ADD1: variants seen among roughly 807,000 people sequenced by gnomAD.
ADD1 encodes the protein alpha-adducin.
A neutral mutation model predicts 80.5 loss-of-function variants in ADD1; 24 were observed. That is an observed-to-expected ratio of 0.30 (90% CI 0.22 to 0.42). The LOEUF (loss-of-function observed/expected upper bound fraction) is 0.42, where lower values mean the gene tolerates loss of function less well. ADD1 is among the 10% of genes least tolerant of loss of function. The probability of loss-of-function intolerance (pLI) is 1.00; values close to 1 mark genes in which losing one functional copy is unlikely to be tolerated. For synonymous variants in ADD1, 373 were observed against 393.8 expected (o/e 0.95, Z 0.63); for missense variants, 948 against 1,019.0 (o/e 0.93, Z 0.95).
chr4:2,923,460 G>C (rs1740426859), intron 14 of ADD1, among the ~76,000 whole-genome samples: 1 of 152,204 alleles, frequency 6.6e-6, no homozygotes, highest in Non-Finnish European at 1.5e-5. Flanking sequence ...GCCCTCCGTG[G>C]GCTGCACCCA....
rs767846050 is a variant in ADD1 at position 2,928,915 on chromosome 4, C to T, written c.*392C>T. 1.3e-4 allele frequency: 28 copies of T among 208,574 alleles called. No homozygotes were observed. Among genetic ancestry groups the T allele is most frequent in the Non-Finnish European group, 2.5e-4 (27 of 106,884 alleles). 12.9% of individuals were successfully genotyped at this position (208,574 alleles called of 1,614,324 possible). A position where few individuals can be genotyped will look rare whatever the true frequency, so the allele number is the denominator to read the frequency against. ...TTCTGTCTCTGCTTGGCTTCCCCTCCACCCTAAAGTCTCAGGTGACGGACT... is the reference window on the plus strand; with the variant it reads ...TTCTGTCTCTGCTTGGCTTCCCCTCTACCCTAAAGTCTCAGGTGACGGACT... On this transcript the variant is annotated 3_prime_UTR_variant, in exon 16 of 16. Transcript: ENST00000683351.
chr4:2,925,988 A>G lies in ADD1; in HGVS notation c.1949-26A>G, dbSNP rs1415977294. On this transcript the variant is annotated intron_variant, in intron 14 of 15. Transcript: ENST00000683351. ...TCATGGCGTGGCGTCCACAGCTCCT[A>G]CCATATCCTTCTTGCTTCTCTGCAG... 3 of 1,607,122 alleles carry G rather than the reference A, an allele frequency of 1.9e-6. No individual in the cohort carries two copies. The African/African-American group carries it at 4.0e-5, about 22-fold the overall frequency.
intron 13 of ADD1, 87 bp downstream of exon 13, chr4:2,909,518 C>A: frequency 1.1e-6 from 1 of 922,556 alleles, no homozygotes; most frequent in Non-Finnish European, 1.6e-6. Context: ...CAGGCATTGT[C>A]TTAGTTACTG....
intron 4 of ADD1, among the ~76,000 whole-genome samples, chr4:2,886,258 G>C (rs1021526152): frequency 1.4e-4 from 21 of 152,078 alleles, no homozygotes; most frequent in African/African-American, 5.1e-4. Context: ...CATAACCAGC[G>C]GTGCTTCGTT....
chr4:2,898,343 A>G lies in ADD1; in HGVS notation c.885+16A>G, dbSNP rs548954532. On this transcript the variant is annotated intron_variant, in intron 7 of 15. Coordinates refer to ENST00000683351, the MANE Select transcript of ADD1 (RefSeq NM_001354761.2). ...TAAAAGCAAGGTCAGTAGGCATCTA[A>G]TCTGGTATTTAAATTACAGCAGAAA... is the stretch of plus-strand genomic sequence containing the variant. 6.2e-7 allele frequency: 1 copy of G among 1,614,214 alleles called. No homozygotes were observed. The highest frequency in any genetic ancestry group is 1.1e-5 in the South Asian group (1 of 91,092).
At chr4:2,901,856 C>G (rs1329370967) in intron 9 of ADD1, 1 of 149,524 alleles carries the variant, frequency 6.7e-6, no homozygotes. Flanking sequence ...TTGTCCCCCC[C>G]CCAAAAAAAA....
intron 14 of ADD1, among the ~76,000 whole-genome samples, chr4:2,918,218 C>G (rs184967467): frequency 6.6e-6 from 1 of 152,128 alleles, no homozygotes; most frequent in East Asian, 1.9e-4. Flanking sequence ...TAGTTCTCCT[C>G]GAAGAGGTCT....
At chr4:2,876,183 T>C in intron 2 of ADD1, 73 bp downstream of exon 2, 1 of 1,408,830 alleles carries the variant, frequency 7.1e-7, no homozygotes, top group South Asian at 1.4e-5. Flanking sequence ...TATGCCCTGT[T>C]GTATGAGTGG....
intron 1 of ADD1, among the ~76,000 whole-genome samples, chr4:2,849,917 T>C (rs114026520): frequency 0.012 from 1,776 of 152,312 alleles, 15 homozygotes; most frequent in Non-Finnish European, 0.019. Flanking sequence ...GAAAATTAAG[T>C]AGCCATGTAA....
In ADD1 at chr4:2,926,337, G is replaced by A. The variant is rs779671959; in HGVS notation, c.2047+225G>A. 1.4e-5 allele frequency: 10 copies of A among 704,466 alleles called. No homozygotes were observed. The South Asian group carries it at 1.5e-4, about 11-fold the overall frequency. 43.6% of individuals were successfully genotyped at this position (704,466 alleles called of 1,614,324 possible). A position where few individuals can be genotyped will look rare whatever the true frequency, so the allele number is the denominator to read the frequency against. On this transcript the variant is annotated intron_variant, in intron 15 of 15. Transcript: ENST00000683351. The surrounding 1 kb of genome is among the most constrained non-coding windows in gnomAD (Gnocchi z 5.0). Reference sequence around the variant, plus strand: ...ACCAGGTAGGAAGGCCGGCCTCGGGGGTCGGAACCCACCATGGTTGCTGGT... The same window carrying A: ...ACCAGGTAGGAAGGCCGGCCTCGGGAGTCGGAACCCACCATGGTTGCTGGT...
At position 2,926,043 on chromosome 4, in the gene ADD1, GAA is replaced by G. The variant is rs1711534410; in HGVS notation, c.1981_1982del (p.Lys661GlufsTer32). On this transcript the variant is annotated frameshift_variant, in exon 15 of 16. Transcript: ENST00000683351. LOFTEE classifies it high-confidence loss of function. This position sits in a 1 kb window ranked among gnomAD's most constrained non-coding sequence, Gnocchi z 5.0. Reference protein sequence around the residue: ...ENLDEAREQKEKSPPDQPAVP... With the variant: ...ENLDEAREQKXKSPPDQPAVP... ...TCTGGACGAGGCTAGAGAACAGAAA[GAA>G]AAGAGTCCTCCAGACCAGCCTGCGG... 1.9e-6 allele frequency: 3 copies of G among 1,614,190 alleles called. No individual in the cohort carries two copies. The highest frequency in any genetic ancestry group is 2.2e-5 in the East Asian group (1 of 44,872).
In ADD1 at chr4:2,882,020, C is replaced by T. The variant is rs1577544074; in HGVS notation, c.318C>T (p.Tyr106=). The change falls in exon 3 of 16, where the codon TAC becomes TAT. Residue 106 remains tyrosine, a synonymous_variant. Coordinates refer to ENST00000683351, the MANE Select transcript of ADD1 (RefSeq NM_001354761.2). The part of the protein sequence containing the change: ...DFMTTNVPNV[Y]PAAPQGGMAA... ...TGACCACGAATGTACCAAATGTCTA[C>T]CCAGCAGCTCCGCAAGGAGGGATGG... is the stretch of plus-strand genomic sequence containing the variant. 6.2e-7 allele frequency: 1 copy of T among 1,612,306 alleles called. No individual in the cohort carries two copies. The highest frequency in any genetic ancestry group is 1.3e-5 in the African/African-American group (1 of 74,858).
At chr4:2,850,270 G>GT (rs1164673472) in intron 1 of ADD1, among the ~76,000 whole-genome samples, 1 of 152,170 alleles carries the variant, frequency 6.6e-6, no homozygotes, top group Non-Finnish European at 1.5e-5. Context: ...AAATCTTTTT[G>GT]TTTTTTGTTT....
intron 1 of ADD1, among the ~76,000 whole-genome samples, chr4:2,868,632 G>T (rs1729927998): frequency 6.6e-6 from 1 of 152,218 alleles, no homozygotes; most frequent in African/African-American, 2.4e-5. Flanking sequence ...CCCCTGCTAT[G>T]TATGACACAC....
At chr4:2,910,002 T>A (rs577225867) in intron 13 of ADD1, among the ~76,000 whole-genome samples, 1 of 148,808 alleles carries the variant, frequency 6.7e-6, no homozygotes, top group South Asian at 2.2e-4. Context: ...ATAACATTTT[T>A]AAATGCCACA....
chr4:2,850,615 T>C (rs1321790296), intron 1 of ADD1, among the ~76,000 whole-genome samples: 4 of 152,166 alleles, frequency 2.6e-5, no homozygotes, highest in African/African-American at 4.8e-5. Flanking sequence ...TTAGTAGAGA[T>C]GGGGTTTCAC....
chr4:2,914,666 T>C, intron 13 of ADD1: 1 of 471,776 alleles, frequency 2.1e-6, no homozygotes, highest in Non-Finnish European at 3.7e-6. Context: ...ATTTCTTTTG[T>C]GGTTAATATC....
chr4:2,863,933 A>C (rs1729171179), intron 1 of ADD1, among the ~76,000 whole-genome samples: 1 of 152,186 alleles, frequency 6.6e-6, no homozygotes, highest in African/African-American at 2.4e-5. Flanking sequence ...AAAAGATTCT[A>C]TTCTGATATG....
At position 2,908,576 on chromosome 4, in the gene ADD1, G is replaced by A; in HGVS notation, c.1670G>A (p.Gly557Asp). 1 of 1,614,252 alleles carries A rather than the reference G, an allele frequency of 6.2e-7. No homozygotes were observed. Among genetic ancestry groups the A allele is most frequent in the Non-Finnish European group, 8.5e-7 (1 of 1,180,034 alleles). The change falls in exon 12 of 16, where the codon GGT becomes GAT. Residue 557 changes from glycine to aspartate, a missense_variant. By Grantham distance (94) the Gly-to-Asp change is moderately conservative. Coordinates refer to ENST00000683351, the MANE Select transcript of ADD1 (RefSeq NM_001354761.2). ...TAGPQSQVLCGVVMDRSLVQD... is the reference protein window; with the variant it reads ...TAGPQSQVLCDVVMDRSLVQD... Reference sequence around the variant, plus strand: ...GGCCCTCAGTCCCAGGTTTTGTGTGGTGTAGTGATGGACAGGAGCCTCGTC... The same window carrying A: ...GGCCCTCAGTCCCAGGTTTTGTGTGATGTAGTGATGGACAGGAGCCTCGTC...
Sources: gnomAD v4.1 joint callset for allele counts (sites outside exome capture counted in the v4.1 genomes callset) on GRCh38, gnomAD v4.1.1 for gene constraint, Gnocchi (gnomAD v3.1) non-coding constraint, MANE v1.5 for transcripts, NCBI Gene and HGNC (gene_info 2026-07-23, HGNC 2026-07-21) for gene names.